The following LRP1B variants were observed in gnomAD, a reference collection of about 807,000 sequenced individuals.
LRP1B encodes the protein low-density lipoprotein receptor-related protein 1B.
In LRP1B, 217 loss-of-function variants were observed where a neutral mutation model predicts 556.6. The observed-to-expected ratio is 0.39, with a 90% confidence interval of 0.35 to 0.44. LRP1B has a LOEUF of 0.44. Ranked by LOEUF, LRP1B falls within the 20% of genes least tolerant of loss-of-function variation. The pLI is 1.00. For synonymous variants in LRP1B, 2,047 were observed against 1,865.8 expected (o/e 1.10, Z -2.50); for missense variants, 5,053 against 5,620.8 (o/e 0.90, Z 3.23).
At chr2:140,555,412 A>G (rs1344845289) in intron 43 of LRP1B, among the ~76,000 whole-genome samples, 1 of 152,108 alleles carries the variant, frequency 6.6e-6, no homozygotes, top group Admixed American at 6.6e-5. Context: ...CATGGGTGCT[A>G]GAGTCAGAGG....
intron 2 of LRP1B, among the ~76,000 whole-genome samples, chr2:141,732,335 C>G (rs1693304972): frequency 7.1e-6 from 1 of 141,254 alleles, no homozygotes; most frequent in South Asian, 2.4e-4. Flanking sequence ...AATATATCTG[C>G]ATTTATGAAA....
chr2:141,219,879 A>G lies in LRP1B; in HGVS notation c.850+9304T>C, dbSNP rs541486766. Among the ~76,000 whole-genome samples, 3 of 152,294 alleles carry G rather than the reference A, an allele frequency of 2.0e-5. No homozygotes were observed. The South Asian group carries it at 6.2e-4, about 32-fold the overall frequency. On this transcript the variant is annotated intron_variant, in intron 6 of 90. Transcript: ENST00000389484. ...CCTGATTGCCAAAAGAAAAACAAAC[A>G]GAAAGCAACAACAACATCGACAAAA...
chr2:140,844,324 A>G (rs1692210274), intron 29 of LRP1B, among the ~76,000 whole-genome samples: 1 of 152,128 alleles, frequency 6.6e-6, no homozygotes, highest in Admixed American at 6.6e-5. Context: ...TCGGCCTCCC[A>G]AAGTGCTGGG....
At chr2:141,162,774 T>A (rs1558903040) in intron 7 of LRP1B, among the ~76,000 whole-genome samples, 1 of 152,108 alleles carries the variant, frequency 6.6e-6, no homozygotes, top group African/African-American at 2.4e-5. Context: ...CATAGATAGT[T>A]TATCAGTGAA....
chr2:140,742,100 C>T lies in LRP1B; in HGVS notation c.5759-25284G>A, dbSNP rs185087457. Among the ~76,000 whole-genome samples the T allele has an allele frequency of 3.5e-3, 536 of 152,144 alleles. 1 individual carries two copies. The highest frequency in any genetic ancestry group is 0.012 in the African/African-American group (500 of 41,518). On this transcript the variant is annotated intron_variant, in intron 35 of 90. Transcript: ENST00000389484. ...TTAATCTCTGATTTCTTTTCATATG[C>T]GATTAAGAATGGAGCATCTAAATCC...
intron 35 of LRP1B, among the ~76,000 whole-genome samples, chr2:140,720,448 A>C (rs12478219): frequency 0.013 from 1,913 of 152,142 alleles, 80 homozygotes; most frequent in Admixed American, 0.071. Flanking sequence ...ATCGGCAGCC[A>C]GCTATTGTGC....
chr2:140,970,103 T>C (rs1036080801), intron 18 of LRP1B, among the ~76,000 whole-genome samples: 2 of 152,178 alleles, frequency 1.3e-5, no homozygotes, highest in African/African-American at 2.4e-5. Flanking sequence ...TCCTGGATAG[T>C]GTCCTGCAGA....
Position 141,115,458 on chromosome 2 carries a change from G to GTTTTTTTT in LRP1B, c.1014-53193_1014-53186dup, listed in dbSNP as rs70991138. On this transcript the variant is annotated intron_variant, in intron 7 of 90. Coordinates refer to ENST00000389484, the MANE Select transcript of LRP1B (RefSeq NM_018557.3). ...GCAAAATGAATAGGTTTTTGTTTTTGTTTTTTTTTTTTTTTTGAGATGGAT... is the reference window on the plus strand; with the variant it reads ...GCAAAATGAATAGGTTTTTGTTTTTGTTTTTTTTTTTTTTTTTTTTTTTTGAGATGGAT... Among the ~76,000 whole-genome samples the GTTTTTTTT allele has an allele frequency of 2.0e-4, 24 of 120,402 alleles. 5 individuals carry two copies. The highest frequency in any genetic ancestry group is 4.6e-4 in the Admixed American group (5 of 10,884). The allele number at this position is 120,402 out of a possible 152,430, so 79.0% of individuals were successfully genotyped here. A position where few individuals can be genotyped will look rare whatever the true frequency, so the allele number is the denominator to read the frequency against.
At position 142,115,534 on chromosome 2, in the gene LRP1B, TTACATATGTAA is replaced by T. The variant is rs1245123632; in HGVS notation, c.82+15103_82+15113del. On this transcript the variant is annotated intron_variant, in intron 1 of 90. Coordinates refer to ENST00000389484, the MANE Select transcript of LRP1B (RefSeq NM_018557.3). ...ATATATTACATATATAATATATATA[TTACATATGTAA>T]TATATATATTATATATGTAATATAT... Among the ~76,000 whole-genome samples the T allele has an allele frequency of 6.6e-4, 29 of 43,992 alleles. 1 individual carries two copies. The highest frequency in any genetic ancestry group is 9.3e-4 in the Non-Finnish European group (20 of 21,440). 28.9% of individuals were successfully genotyped at this position (43,992 alleles called of 152,430 possible). A position where few individuals can be genotyped will look rare whatever the true frequency, so the allele number is the denominator to read the frequency against.
chr2:141,377,053 C>T (rs187221541), intron 3 of LRP1B, among the ~76,000 whole-genome samples: 30 of 152,134 alleles, frequency 2.0e-4, no homozygotes, highest in Middle Eastern at 3.4e-3. Flanking sequence ...AAAAGGAAGG[C>T]GGGTGTTTCT....
intron 2 of LRP1B, among the ~76,000 whole-genome samples, chr2:141,797,472 G>A (rs1053778825): frequency 2.6e-5 from 4 of 151,852 alleles, no homozygotes; most frequent in African/African-American, 9.7e-5. Context: ...CATTGGAAAG[G>A]GAGGGTGAGT....
At chr2:141,303,907 A>T (rs1273857726) in intron 3 of LRP1B, among the ~76,000 whole-genome samples, 1 of 152,130 alleles carries the variant, frequency 6.6e-6, no homozygotes, top group Non-Finnish European at 1.5e-5. Context: ...TTTTCTCCAC[A>T]TGCTTACCAA....
At chr2:141,169,800 CAAAAAAA>C (rs574461113) in intron 7 of LRP1B, among the ~76,000 whole-genome samples, 3 of 87,392 alleles carry the variant, frequency 3.4e-5, no homozygotes, top group East Asian at 3.3e-4. Flanking sequence ...ACACCTTAAC[CAAAAAAA>C]AAAAAAAAAA....
At chr2:141,178,461 C>T (rs1400377259) in intron 7 of LRP1B, among the ~76,000 whole-genome samples, 1 of 152,080 alleles carries the variant, frequency 6.6e-6, no homozygotes, top group African/African-American at 2.4e-5. Context: ...ATCTTTGAGC[C>T]TTTTGGTTCT....
At chr2:140,547,261 T>C (rs1194794074) in intron 43 of LRP1B, among the ~76,000 whole-genome samples, 1 of 152,132 alleles carries the variant, frequency 6.6e-6, no homozygotes, top group African/African-American at 2.4e-5. Flanking sequence ...TTGGTAGACT[T>C]TGGCTGTGAA....
intron 1 of LRP1B, among the ~76,000 whole-genome samples, chr2:141,962,472 C>A (rs1461587109): frequency 6.6e-6 from 1 of 151,746 alleles, no homozygotes; most frequent in Non-Finnish European, 1.5e-5. Context: ...CCATATAGAC[C>A]TGTTCACATT....
intron 83 of LRP1B, among the ~76,000 whole-genome samples, chr2:140,312,801 A>C (rs1239340480): frequency 6.6e-6 from 1 of 151,878 alleles, no homozygotes; most frequent in Non-Finnish European, 1.5e-5. Context: ...CAGTAACCTT[A>C]AGGAATGAGA....
chr2:140,816,117 A>ATT lies in LRP1B; in HGVS notation c.5210-2313_5210-2312dup, dbSNP rs574724280. On this transcript the variant is annotated intron_variant, in intron 31 of 90. Transcript: ENST00000389484. ...AAAGTTTAGTTATCTTCTCAACTGAATTTTTTTTTTTCTTTTTTTCAGACA... is the reference window on the plus strand; with the variant it reads ...AAAGTTTAGTTATCTTCTCAACTGAATTTTTTTTTTTTTCTTTTTTTCAGACA... Among the ~76,000 whole-genome samples the ATT allele has an allele frequency of 7.4e-5, 11 of 148,560 alleles. No homozygotes were observed. In the South Asian group the frequency reaches 1.5e-3, roughly 20 times the overall value.
intron 1 of LRP1B, among the ~76,000 whole-genome samples, chr2:141,953,070 G>A (rs530729592): frequency 8.1e-4 from 123 of 152,138 alleles, no homozygotes; most frequent in African/African-American, 2.8e-3. Flanking sequence ...GACTTTTGGT[G>A]GGTATTATCT....
Sources: allele counts gnomAD v4.1 joint callset (sites outside exome capture counted in the v4.1 genomes callset), GRCh38; gene constraint gnomAD v4.1.1; transcripts MANE v1.5; gene names NCBI Gene and HGNC (gene_info 2026-07-23, HGNC 2026-07-21).